Variants in AGBL4 observed in about 807,000 individuals in gnomAD.
AGBL4 encodes AGBL carboxypeptidase 4.
In AGBL4, 58 loss-of-function variants were observed where a neutral mutation model predicts 66.4. The ratio of observed to expected loss-of-function variants is 0.87; its 90% CI spans 0.71 to 1.09. AGBL4 has a LOEUF of 1.09. Among genes scored for constraint, AGBL4 ranks in the 50% least tolerant of loss-of-function variants. AGBL4 has a pLI of 0.00. For synonymous variants in AGBL4, 234 were observed against 222.9 expected, an observed-to-expected ratio of 1.05 and a Z score of -0.44; for missense variants, 579 against 631.0, an observed-to-expected ratio of 0.92 and a Z score of 0.88.
At chr1:48,707,485 A>T (rs1431348114) in intron 6 of AGBL4, among the ~76,000 whole-genome samples, 1 of 152,174 alleles carries the variant, frequency 6.6e-6, no homozygotes, top group Non-Finnish European at 1.5e-5. Context: ...TGCTTGGGCT[A>T]ATCAACACAT....
chr1:48,559,762 C>G (rs1370006030), intron 11 of AGBL4, among the ~76,000 whole-genome samples: 6 of 152,058 alleles, frequency 3.9e-5, no homozygotes, highest in African/African-American at 1.4e-4. Context: ...CCACTTAATC[C>G]TATACCATTC....
At chr1:49,612,460 C>A (rs1363087043) in intron 3 of AGBL4, among the ~76,000 whole-genome samples, 1 of 152,036 alleles carries the variant, frequency 6.6e-6, no homozygotes, top group Non-Finnish European at 1.5e-5. Flanking sequence ...AATATTAAAT[C>A]TGACAAAGAT....
At chr1:49,299,096 TA>T (rs957911879) in intron 3 of AGBL4, among the ~76,000 whole-genome samples, 11 of 151,038 alleles carry the variant, frequency 7.3e-5, no homozygotes, top group East Asian at 1.9e-4. Flanking sequence ...AGTTTAATCC[TA>T]AAAAAAAATC....
At chr1:48,710,990 C>T (rs1646958619) in intron 6 of AGBL4, among the ~76,000 whole-genome samples, 1 of 152,198 alleles carries the variant, frequency 6.6e-6, no homozygotes. Context: ...TTCTCCATCT[C>T]TCCTCTTTGG....
intron 6 of AGBL4, among the ~76,000 whole-genome samples, chr1:48,749,199 CTTCT>C (rs1651257689): frequency 6.6e-6 from 1 of 152,120 alleles, no homozygotes; most frequent in South Asian, 2.1e-4. Flanking sequence ...CTACAAAAGT[CTTCT>C]TTGTTAAGTA....
At chr1:49,697,556 T>C in intron 2 of AGBL4, 119 bp from the exon 3 acceptor site, 3 of 841,472 alleles carry the variant, frequency 3.6e-6, no homozygotes, top group Non-Finnish European at 5.2e-6. Flanking sequence ...TACTTGAAGG[T>C]TCAGTGTTCA....
intron 9 of AGBL4, among the ~76,000 whole-genome samples, chr1:48,620,066 C>T (rs1269857883): frequency 6.6e-6 from 1 of 152,242 alleles, no homozygotes; most frequent in Non-Finnish European, 1.5e-5. Context: ...GAAGGTTAAA[C>T]CGTAAAATCC....
intron 6 of AGBL4, among the ~76,000 whole-genome samples, chr1:48,816,045 TTGTGTGTGTGTGTGTGTGTGTGTG>T (rs59041939): frequency 6.2e-5 from 9 of 144,304 alleles, no homozygotes; most frequent in South Asian, 4.6e-4. Flanking sequence ...AGGAACTGTT[TTGTGTGTGTGTGTGTGTGTGTGTG>T]TGTGTGTGTG....
chr1:48,838,398 A>G (rs765484727), intron 6 of AGBL4, among the ~76,000 whole-genome samples: 1 of 152,108 alleles, frequency 6.6e-6, no homozygotes, highest in Non-Finnish European at 1.5e-5. Context: ...TATTTAATTA[A>G]CTCATTTTTG....
At chr1:49,724,701 G>A (rs191910053) in intron 2 of AGBL4, among the ~76,000 whole-genome samples, 1 of 152,240 alleles carries the variant, frequency 6.6e-6, no homozygotes, top group Admixed American at 6.5e-5. Context: ...AAAGTTAAAT[G>A]AGGTTATAAG....
intron 1 of AGBL4, among the ~76,000 whole-genome samples, chr1:49,972,957 A>AT (rs923034553): frequency 3.0e-4 from 45 of 152,198 alleles, no homozygotes; most frequent in Middle Eastern, 3.4e-3. Context: ...CATTATCTCC[A>AT]TTTTTTAGAG....
At chr1:48,629,977 C>T (rs1645567273) in intron 9 of AGBL4, among the ~76,000 whole-genome samples, 2 of 152,164 alleles carry the variant, frequency 1.3e-5, no homozygotes, top group Non-Finnish European at 2.9e-5. Context: ...CAACATTTAT[C>T]CTGAGCACCT....
intron 6 of AGBL4, among the ~76,000 whole-genome samples, chr1:48,828,541 T>C (rs1372487932): frequency 6.6e-6 from 1 of 152,256 alleles, no homozygotes; most frequent in African/African-American, 2.4e-5. Context: ...CATTGAATCC[T>C]CTTTGTTTCA....
chr1:48,767,052 T>G (rs887565516), intron 6 of AGBL4, among the ~76,000 whole-genome samples: 1 of 152,168 alleles, frequency 6.6e-6, no homozygotes, highest in African/African-American at 2.4e-5. Flanking sequence ...CTCACATCCA[T>G]AGAAGATTAC....
intron 3 of AGBL4, among the ~76,000 whole-genome samples, chr1:49,323,544 G>A (rs1405216454): frequency 2.7e-5 from 4 of 147,044 alleles, no homozygotes; most frequent in African/African-American, 5.1e-5. Context: ...CAATCCGCCC[G>A]TCTCAGCCTC....
intron 5 of AGBL4, among the ~76,000 whole-genome samples, chr1:48,932,260 G>T (rs1289109491): frequency 6.6e-6 from 1 of 152,124 alleles, no homozygotes; most frequent in Non-Finnish European, 1.5e-5. Context: ...AATTTTCATA[G>T]ACCACAGGTT....
intron 1 of AGBL4, among the ~76,000 whole-genome samples, chr1:49,950,616 T>C (rs1011556198): frequency 6.6e-6 from 1 of 151,656 alleles, no homozygotes; most frequent in African/African-American, 2.4e-5. Flanking sequence ...AAAAACAAAG[T>C]AATTTTTCTA....
intron 5 of AGBL4, among the ~76,000 whole-genome samples, chr1:48,889,989 C>CGTGTGT (rs10557498): frequency 0.023 from 3,361 of 148,696 alleles, 47 homozygotes; most frequent in South Asian, 0.043. Context: ...AGCCTGCTTG[C>CGTGTGT]GTGTGTGTGT....
intron 6 of AGBL4, among the ~76,000 whole-genome samples, chr1:48,789,752 C>T (rs1645500928): frequency 6.6e-6 from 1 of 152,142 alleles, no homozygotes; most frequent in South Asian, 2.1e-4. Context: ...ATAGGAAGAA[C>T]TTTAAGGTCC....
Sources: gnomAD v4.1 joint callset for allele counts (sites outside exome capture counted in the v4.1 genomes callset) on GRCh38, gnomAD v4.1.1 for gene constraint, MANE v1.5 for transcripts, NCBI Gene and HGNC (gene_info 2026-07-23, HGNC 2026-07-21) for gene names.